Variants in ZDHHC11B observed in about 807,000 individuals in gnomAD.
ZDHHC11B encodes probable palmitoyltransferase ZDHHC11B.
Under a neutral mutation model 42.3 loss-of-function variants are expected in ZDHHC11B, and 17 were observed. The observed-to-expected ratio is 0.40, with a 90% CI of 0.27 to 0.60. The LOEUF (loss-of-function observed/expected upper bound fraction) is 0.60. Among genes scored for constraint, ZDHHC11B ranks in the 20% least tolerant of loss-of-function variants. ZDHHC11B has a pLI of 0.41. For synonymous variants in ZDHHC11B, 123 were observed against 193.5 expected, an observed-to-expected ratio of 0.64 and a Z score of 3.02; for missense variants, 262 against 463.2, an observed-to-expected ratio of 0.57 and a Z score of 3.99.
At chr5:717,032 G>A (rs1386205797) in intron 12 of ZDHHC11B, among the ~76,000 whole-genome samples, 167 bp from the exon 13 acceptor site, 13 of 151,952 alleles carry the variant, frequency 8.6e-5, no homozygotes, top group East Asian at 5.8e-4. Flanking sequence ...TTTTTGTGAA[G>A]ACAGTAACAT....
At chr5:733,888 G>T (rs749519806) in intron 10 of ZDHHC11B, 49 bp from the exon 11 acceptor site, 14 of 1,501,972 alleles carry the variant, frequency 9.3e-6, no homozygotes, top group Admixed American at 8.5e-5. Context: ...TTTGTGGGGG[G>T]GCTCAGGGTG....
In ZDHHC11B at chr5:753,007, C is replaced by T. The variant is rs1444316601; in HGVS notation, c.504-1750G>A. 1.6e-5 allele frequency among the ~76,000 whole-genome samples: 2 copies of T among 126,386 alleles called. 1 individual carries two copies. The highest frequency in any genetic ancestry group is 3.6e-5 in the Non-Finnish European group (2 of 56,026). The allele number at this position is 126,386 out of a possible 152,430, so 82.9% of individuals were successfully genotyped here. On this transcript the variant is annotated intron_variant, in intron 6 of 13. Transcript: ENST00000508859. ...CGGGGCCTCCTCTCCCCGCAGCCAC[C>T]CAGGGACATTCTCCTCTTGGTTAGC...
chr5:776,098 C>G (rs1169321540), intron 1 of ZDHHC11B, among the ~76,000 whole-genome samples: 1 of 150,246 alleles, frequency 6.7e-6, no homozygotes, highest in African/African-American at 2.5e-5. Flanking sequence ...GGGGGAGCAC[C>G]CTCCACCCCA....
chr5:753,464 C>G (rs897104352), intron 6 of ZDHHC11B, among the ~76,000 whole-genome samples: 3 of 134,046 alleles, frequency 2.2e-5, no homozygotes, highest in African/African-American at 5.0e-5. Context: ...TCTCCAGCAC[C>G]CCTCCTGAGG....
chr5:762,243 C>A (rs1235348207), intron 4 of ZDHHC11B, among the ~76,000 whole-genome samples: 1 of 103,084 alleles, frequency 9.7e-6, no homozygotes, highest in African/African-American at 3.7e-5. Context: ...TGGCCACTCC[C>A]AGCCCTGGAC....
At chr5:732,735 A>G in intron 11 of ZDHHC11B, 3 of 407,290 alleles carry the variant, frequency 7.4e-6, no homozygotes, top group South Asian at 5.5e-5. Flanking sequence ...CCTGCTCAAA[A>G]GGACCAGCCT....
At chr5:774,952 G>T (rs796316234) in intron 1 of ZDHHC11B, among the ~76,000 whole-genome samples, 1 of 151,472 alleles carries the variant, frequency 6.6e-6, no homozygotes, top group East Asian at 1.9e-4. Context: ...GCTGTGGGGT[G>T]GCTGAGCCTT....
At chr5:744,484 C>T (rs1419752476) in intron 9 of ZDHHC11B, among the ~76,000 whole-genome samples, 1 of 149,002 alleles carries the variant, frequency 6.7e-6, no homozygotes, top group African/African-American at 2.5e-5. Context: ...AGTCTCTTGG[C>T]TGTTCTATGT....
intron 3 of ZDHHC11B, 29 bp from the exon 4 acceptor site, chr5:766,948 G>C: frequency 6.2e-7 from 1 of 1,604,226 alleles, no homozygotes; most frequent in Non-Finnish European, 8.5e-7. Flanking sequence ...GAGGACCTGC[G>C]CCATCAGCTC....
intron 12 of ZDHHC11B, among the ~76,000 whole-genome samples, chr5:729,772 A>T (rs1293481266): frequency 6.6e-6 from 1 of 151,982 alleles, no homozygotes; most frequent in Non-Finnish European, 1.5e-5. Context: ...ATGGAAAGGA[A>T]AATGCAATAG....
chr5:771,966 CCAT>C (rs1736096978), intron 1 of ZDHHC11B, among the ~76,000 whole-genome samples: 4 of 145,776 alleles, frequency 2.7e-5, no homozygotes, highest in Admixed American at 1.4e-4. Flanking sequence ...ACTTCCCAGC[CCAT>C]CAGCACGTGC....
At position 730,443 on chromosome 5, in the gene ZDHHC11B, G is replaced by A. The variant is rs763450462; in HGVS notation, c.1049C>T (p.Ser350Phe). 9 of 1,578,056 alleles carry A rather than the reference G, an allele frequency of 5.7e-6. No individual in the cohort carries two copies. In the Admixed American group the frequency reaches 7.9e-5, roughly 14 times the overall value. The change falls in exon 12 of 14, where the codon TCT becomes TTT. Residue 350 changes from serine to phenylalanine, a missense_variant. Around this residue, in one of 5 missense-constraint regions of ZDHHC11B, gnomAD observed 75 missense variants for 70.1 expected, o/e 1.07. Coordinates refer to ENST00000508859, the MANE Select transcript of ZDHHC11B (RefSeq NM_001351303.2). ...AQEADDAPST[S>F]TLGLQQETTE... ...AAACTTACGAACTTACCCAAGTGTA[G>A]ATGTACTCGGGGCATCATCTGCTTC... is the stretch of plus-strand genomic sequence containing the variant.
intron 1 of ZDHHC11B, among the ~76,000 whole-genome samples, chr5:774,158 A>T (rs1374965012): frequency 1.3e-5 from 2 of 152,182 alleles, no homozygotes; most frequent in African/African-American, 4.8e-5. Flanking sequence ...TGTTCCCAAG[A>T]GGCCCCACGG....
At chr5:716,572 G>A (rs1459269247) in intron 13 of ZDHHC11B, among the ~76,000 whole-genome samples, 2 of 151,772 alleles carry the variant, frequency 1.3e-5, no homozygotes, top group South Asian at 2.1e-4. Context: ...ATTGTTTACT[G>A]CCTAGAAAAT....
chr5:750,831 G>C (rs572699318), intron 7 of ZDHHC11B, among the ~76,000 whole-genome samples: 3 of 129,334 alleles, frequency 2.3e-5, no homozygotes, highest in African/African-American at 5.0e-5. Flanking sequence ...AGGTGCTACA[G>C]GGCTGACTGC....
rs1165058516 is a variant in ZDHHC11B at position 767,465 on chromosome 5, C to T, written c.-74G>A. 47 of 1,561,000 alleles carry T rather than the reference C, an allele frequency of 3.0e-5. No homozygotes were observed. The highest frequency in any genetic ancestry group is 1.7e-4 in the Middle Eastern group (1 of 5,960). ...AGCTCCAACTCGTCCGACTTCAAGT[C>T]GCCAAATGCTGAATTATTCTGCATC... On this transcript the variant is annotated 5_prime_UTR_variant, in exon 3 of 14. Transcript: ENST00000508859.
intron 13 of ZDHHC11B, among the ~76,000 whole-genome samples, chr5:715,904 G>A (rs1355403322): frequency 1.5e-4 from 23 of 151,416 alleles, no homozygotes; most frequent in Non-Finnish European, 7.4e-5. Context: ...GAACTCTGAG[G>A]ATACCAGGGC....
chr5:762,463 C>T (rs1734751260), intron 4 of ZDHHC11B, among the ~76,000 whole-genome samples: 1 of 151,852 alleles, frequency 6.6e-6, no homozygotes, highest in Non-Finnish European at 1.5e-5. Flanking sequence ...GGACCCAGCC[C>T]ATTTCAGACT....
intron 8 of ZDHHC11B, 71 bp from the exon 9 acceptor site, chr5:745,369 T>A: frequency 6.9e-7 from 1 of 1,439,026 alleles, no homozygotes; most frequent in Non-Finnish European, 9.6e-7. Flanking sequence ...ACAGGACAGC[T>A]CAGCAGGGTG....
Sources: gnomAD v4.1 joint callset for allele counts (sites outside exome capture counted in the v4.1 genomes callset) on GRCh38, gnomAD v4.1.1 for gene constraint, gnomAD v4.1.1 regional missense constraint, MANE v1.5 for transcripts, NCBI Gene and HGNC (gene_info 2026-07-23, HGNC 2026-07-21) for gene names.